Variants in PCDH15 observed in about 807,000 individuals in gnomAD.
PCDH15 encodes the protein protocadherin related 15, also known as protocadherin-15.
In PCDH15, 129 loss-of-function variants were observed where a neutral mutation model predicts 178.5. The observed-to-expected ratio is 0.72, with a 90% CI of 0.63 to 0.84. The LOEUF is 0.84. Ranked by LOEUF, PCDH15 falls within the 40% of genes least tolerant of loss-of-function variation. The pLI, the probability that PCDH15 is intolerant of heterozygous loss-of-function variation, is 0.00. For synonymous variants in PCDH15, 800 were observed against 732.0 expected, an observed-to-expected ratio of 1.09 and a Z score of -1.50; for missense variants, 2,230 against 2,099.9, an observed-to-expected ratio of 1.06 and a Z score of -1.21.
chr10:54,805,304 TGCAGTATTATCAAAATA>T (rs1430095603), upstream of PCDH15, among the ~76,000 whole-genome samples: 2 of 152,090 alleles, frequency 1.3e-5, no homozygotes, highest in East Asian at 3.9e-4. Flanking sequence ...TGAAGGCCTC[TGCAGTATTATCAAAATA>T]GCCTTGCTCA....
At chr10:54,612,855 T>G (rs996730185) in intron 2 of PCDH15, among the ~76,000 whole-genome samples, 3 of 151,846 alleles carry the variant, frequency 2.0e-5, no homozygotes, top group Non-Finnish European at 4.4e-5. Flanking sequence ...AGATTTACTT[T>G]GCAATGTCCA....
At chr10:54,401,725 T>C (rs942903053) in intron 3 of PCDH15, among the ~76,000 whole-genome samples, 11 of 151,938 alleles carry the variant, frequency 7.2e-5, no homozygotes, top group Admixed American at 5.3e-4. Flanking sequence ...AAAAATTTCA[T>C]CAATTTTGAA....
intron 8 of PCDH15, among the ~76,000 whole-genome samples, chr10:54,309,651 C>A (rs982406823): frequency 6.6e-6 from 1 of 151,772 alleles, no homozygotes; most frequent in Non-Finnish European, 1.5e-5. Context: ...CAAAAATTAG[C>A]CGGGTGTGGT....
At chr10:55,189,563 T>G (rs1199491745) in intron 1 of PCDH15, among the ~76,000 whole-genome samples, 1 of 151,902 alleles carries the variant, frequency 6.6e-6, no homozygotes, top group Non-Finnish European at 1.5e-5. Context: ...GAACTTGATT[T>G]TGTTTTGAGG....
chr10:55,393,337 C>T (rs1473681218), intron 2 of PCDH15, among the ~76,000 whole-genome samples: 2 of 152,142 alleles, frequency 1.3e-5, no homozygotes, highest in Non-Finnish European at 2.9e-5. Flanking sequence ...AGACACCACA[C>T]TGTAGGAACT....
chr10:54,888,805 A>G (rs1290284973), intron 3 of PCDH15, among the ~76,000 whole-genome samples: 2 of 140,250 alleles, frequency 1.4e-5, no homozygotes, highest in Non-Finnish European at 3.1e-5. Context: ...TTTTTTTTTA[A>G]GTGGGCTATT....
chr10:54,614,015 A>T (rs1178301715), intron 2 of PCDH15, among the ~76,000 whole-genome samples: 1 of 151,976 alleles, frequency 6.6e-6, no homozygotes, highest in East Asian at 1.9e-4. Flanking sequence ...TTTCTTAATA[A>T]AACTAATGCT....
chr10:54,046,083 T>C (rs1485004878), intron 18 of PCDH15, among the ~76,000 whole-genome samples: 1 of 152,124 alleles, frequency 6.6e-6, no homozygotes, highest in Admixed American at 6.5e-5. Context: ...TAAGTAAATA[T>C]ATGAAAAGAT....
At chr10:55,309,461 G>A (rs144231375) in intron 1 of PCDH15, among the ~76,000 whole-genome samples, 1,688 of 151,536 alleles carry the variant, frequency 0.011, 12 homozygotes, top group Non-Finnish European at 0.017. Context: ...AGGCTGCAGC[G>A]AGCTATGATC....
chr10:54,052,527 T>C (rs958829303), intron 18 of PCDH15, among the ~76,000 whole-genome samples: 1 of 152,246 alleles, frequency 6.6e-6, no homozygotes, highest in African/African-American at 2.4e-5. Context: ...TTAGAATGCA[T>C]GTGTTTATCC....
At chr10:54,705,290 A>T (rs896895079) in intron 1 of PCDH15, among the ~76,000 whole-genome samples, 1 of 151,974 alleles carries the variant, frequency 6.6e-6, no homozygotes, top group African/African-American at 2.4e-5. Flanking sequence ...ACAAACCTGC[A>T]TGTGTACCTA....
At chr10:54,965,045 G>A (rs1838747146) in intron 2 of PCDH15, among the ~76,000 whole-genome samples, 2 of 152,166 alleles carry the variant, frequency 1.3e-5, no homozygotes, top group Admixed American at 6.5e-5. Flanking sequence ...TGACACAAGA[G>A]AATATTAGCT....
chr10:54,690,204 G>A (rs1412493805), intron 1 of PCDH15, among the ~76,000 whole-genome samples: 1 of 151,912 alleles, frequency 6.6e-6, no homozygotes, highest in East Asian at 1.9e-4. Flanking sequence ...TTAACCTACT[G>A]CACTGCCAGT....
intron 3 of PCDH15, among the ~76,000 whole-genome samples, chr10:54,476,055 A>C (rs1272666517): frequency 6.7e-6 from 1 of 148,754 alleles, no homozygotes; most frequent in Non-Finnish European, 1.5e-5. Context: ...CATAGTGATT[A>C]CATTTATAGG....
At chr10:54,821,426 T>A (rs1591720736) in intron 3 of PCDH15, among the ~76,000 whole-genome samples, 2 of 151,740 alleles carry the variant, frequency 1.3e-5, no homozygotes, top group African/African-American at 2.4e-5. Context: ...AAAAAAAAAA[T>A]TACAAATGTA....
chr10:53,931,434 A>G (rs1564799580), intron 25 of PCDH15, among the ~76,000 whole-genome samples: 1 of 152,186 alleles, frequency 6.6e-6, no homozygotes, highest in Non-Finnish European at 1.5e-5. Flanking sequence ...CATTGGACAA[A>G]TCTTTATTGG....
At chr10:54,496,346 C>T (rs1344259117) in intron 3 of PCDH15, among the ~76,000 whole-genome samples, 1 of 152,124 alleles carries the variant, frequency 6.6e-6, no homozygotes, top group Non-Finnish European at 1.5e-5. Flanking sequence ...ACCACTCTTT[C>T]CTTCTTGCTG....
At chr10:54,498,214 A>G (rs9416370) in intron 3 of PCDH15, among the ~76,000 whole-genome samples, 4,725 of 152,242 alleles carry the variant, frequency 0.031, 246 homozygotes, top group African/African-American at 0.11. Flanking sequence ...ACTAAGCTTC[A>G]TAAGTGAAGG....
At chr10:55,140,763 T>C (rs1053739058) in intron 2 of PCDH15, among the ~76,000 whole-genome samples, 15 of 152,030 alleles carry the variant, frequency 9.9e-5, no homozygotes, top group African/African-American at 3.6e-4. Context: ...TTTTTACTGA[T>C]CAATTTCTTT....
Sources: allele counts gnomAD v4.1 joint callset (sites outside exome capture counted in the v4.1 genomes callset), GRCh38; gene constraint gnomAD v4.1.1; transcripts MANE v1.5; gene names NCBI Gene and HGNC (gene_info 2026-07-23, HGNC 2026-07-21).